CDH12: variants seen among roughly 807,000 people sequenced by gnomAD.
The protein encoded by CDH12 is cadherin 12.
Under a neutral mutation model 74.1 loss-of-function variants are expected in CDH12, and 41 were observed. The ratio of observed to expected loss-of-function variants is 0.55; its 90% CI spans 0.43 to 0.72. The LOEUF (loss-of-function observed/expected upper bound fraction) is 0.72. CDH12 is among the 30% of genes least tolerant of loss of function. CDH12 has a pLI of 0.00. For missense variants in CDH12, 945 were observed against 977.2 expected, an observed-to-expected ratio of 0.97 and a Z score of 0.44; for synonymous variants, 399 against 355.0, an observed-to-expected ratio of 1.12 and a Z score of -1.39.
chr5:22,646,114 C>T (rs1179230053), intron 1 of CDH12, among the ~76,000 whole-genome samples: 4 of 151,644 alleles, frequency 2.6e-5, no homozygotes, highest in East Asian at 3.9e-4. Flanking sequence ...GGCTGCCCTA[C>T]CAAAAAAGAC....
chr5:22,661,298 T>A (rs923135950), intron 1 of CDH12, among the ~76,000 whole-genome samples: 6 of 152,202 alleles, frequency 3.9e-5, no homozygotes, highest in African/African-American at 1.4e-4. Flanking sequence ...GTCTTTATGA[T>A]CTGGGTTGAA....
intron 3 of CDH12, among the ~76,000 whole-genome samples, chr5:22,280,332 C>T (rs955038161): frequency 6.6e-6 from 1 of 152,042 alleles, no homozygotes; most frequent in Admixed American, 6.6e-5. Context: ...CAAGAGCAAA[C>T]ACATTCAAAA....
chr5:22,025,427 G>T (rs1738283006), intron 5 of CDH12, among the ~76,000 whole-genome samples: 1 of 152,052 alleles, frequency 6.6e-6, no homozygotes, highest in Admixed American at 6.5e-5. Context: ...TATATCTAAA[G>T]AAAATGCACA....
rs1182428874 is a variant in CDH12, at chr5:21,973,198, C to T, written c.526+1893G>A. Among the ~76,000 whole-genome samples the T allele has an allele frequency of 4.6e-5, 7 of 152,028 alleles. No homozygotes were observed. In the South Asian group the frequency reaches 8.3e-4, roughly 18 times the overall value. Reference sequence around the variant, plus strand: ...CTCCAGCCAGGGCAACAGACCAAGACCCAGTCTCAAAATAAATAAATAAAA... The same window carrying T: ...CTCCAGCCAGGGCAACAGACCAAGATCCAGTCTCAAAATAAATAAATAAAA... On this transcript the variant is annotated intron_variant, in intron 6 of 14. Coordinates refer to ENST00000382254, the MANE Select transcript of CDH12 (RefSeq NM_004061.5).
intron 1 of CDH12, among the ~76,000 whole-genome samples, chr5:22,795,340 A>C (rs1748139754): frequency 6.6e-6 from 1 of 152,118 alleles, no homozygotes; most frequent in African/African-American, 2.4e-5. Context: ...CTTCAAAAAT[A>C]AGGGCAGAAC....
rs552293237 is a variant in CDH12, at chr5:22,653,307, T to C, written c.-522-147943A>G. 1.1e-4 allele frequency among the ~76,000 whole-genome samples: 16 copies of C among 152,296 alleles called. No individual in the cohort carries two copies. The South Asian group carries it at 2.9e-3, about 28-fold the overall frequency. ...CTCTTCATTAAGTAACAGATTTATA[T>C]AGTCATTTCTCCTTTTAACATCTTC... On this transcript the variant is annotated intron_variant, in intron 1 of 14. Transcript: ENST00000382254.
chr5:22,012,100 ATTTTC>A (rs1406331687), intron 5 of CDH12, among the ~76,000 whole-genome samples: 5 of 150,900 alleles, frequency 3.3e-5, no homozygotes, highest in Non-Finnish European at 4.4e-5. Context: ...ATTTCTGAAA[ATTTTC>A]TTTAATTATT....
chr5:22,169,139 T>C (rs1748868844), intron 4 of CDH12, among the ~76,000 whole-genome samples: 1 of 151,890 alleles, frequency 6.6e-6, no homozygotes, highest in Non-Finnish European at 1.5e-5. Flanking sequence ...TGCCTTTCTG[T>C]CCTATTTTTG....
rs112360566 is a variant in CDH12 at position 22,196,514 on chromosome 5, C to A, written c.-187+15984G>T. ...CTCCTGCTTTCTCATGCACTCCATT[C>A]CAGGTGACATCCTATAAACAAGCCA... On this transcript the variant is annotated intron_variant, in intron 4 of 14. Transcript: ENST00000382254. 3.9e-3 allele frequency among the ~76,000 whole-genome samples: 595 copies of A among 152,198 alleles called. 8 individuals carry two copies. Among genetic ancestry groups the A allele is most frequent in the African/African-American group, 0.013 (559 of 41,522 alleles).
intron 1 of CDH12, among the ~76,000 whole-genome samples, chr5:22,723,376 G>A (rs1743999309): frequency 1.3e-5 from 2 of 152,104 alleles, no homozygotes; most frequent in African/African-American, 4.8e-5. Context: ...AAGTCTTTAT[G>A]CATTTCTGTA....
At chr5:22,674,751 G>T (rs7443401) in intron 1 of CDH12, among the ~76,000 whole-genome samples, 17,790 of 152,138 alleles carry the variant, frequency 0.12, 1,359 homozygotes, top group Admixed American at 0.2. Flanking sequence ...GGAACTTGTT[G>T]GGAACTGGAG....
chr5:21,931,410 A>G (rs1252675674), intron 6 of CDH12, among the ~76,000 whole-genome samples: 1 of 152,314 alleles, frequency 6.6e-6, no homozygotes, highest in Middle Eastern at 3.4e-3. Context: ...TAAACTTAAC[A>G]TCAGCTGCAG....
intron 5 of CDH12, among the ~76,000 whole-genome samples, chr5:22,034,534 A>T (rs899616732): frequency 6.6e-6 from 1 of 152,224 alleles, no homozygotes. Context: ...TCCCACGACC[A>T]GCTGAACATT....
intron 1 of CDH12, among the ~76,000 whole-genome samples, chr5:22,566,987 C>T (rs774188780): frequency 6.6e-6 from 1 of 152,104 alleles, no homozygotes; most frequent in Non-Finnish European, 1.5e-5. Context: ...AACAAATAAA[C>T]GATGTCACCA....
intron 3 of CDH12, among the ~76,000 whole-genome samples, chr5:22,302,438 G>A (rs1423388059): frequency 2.6e-5 from 4 of 152,178 alleles, no homozygotes; most frequent in African/African-American, 9.6e-5. Flanking sequence ...GCAATTAATG[G>A]AGATTGAGTA....
At chr5:22,589,095 A>G (rs952609088) in intron 1 of CDH12, among the ~76,000 whole-genome samples, 2 of 152,120 alleles carry the variant, frequency 1.3e-5, no homozygotes, top group Non-Finnish European at 2.9e-5. Flanking sequence ...GCTGTTCCCA[A>G]TATGGGCTTG....
chr5:22,558,652 G>A (rs1738908156), intron 1 of CDH12, among the ~76,000 whole-genome samples: 2 of 151,696 alleles, frequency 1.3e-5, no homozygotes. Flanking sequence ...AAGAGAGGGG[G>A]AAAAAACCAT....
chr5:22,370,474 T>G (rs1234373565), intron 3 of CDH12, among the ~76,000 whole-genome samples: 4 of 152,190 alleles, frequency 2.6e-5, no homozygotes, highest in Non-Finnish European at 5.9e-5. Context: ...ATTTAAATCA[T>G]GTATATATTC....
At chr5:22,410,863 A>G (rs185406594) in intron 2 of CDH12, among the ~76,000 whole-genome samples, 34 of 152,256 alleles carry the variant, frequency 2.2e-4, no homozygotes, top group African/African-American at 7.0e-4. Flanking sequence ...GAGGAGAGAT[A>G]GCAGCTGACC....
Sources: gnomAD v4.1 joint callset for allele counts (sites outside exome capture counted in the v4.1 genomes callset) on GRCh38, gnomAD v4.1.1 for gene constraint, MANE v1.5 for transcripts, NCBI Gene and HGNC (gene_info 2026-07-23, HGNC 2026-07-21) for gene names.